The following THSD4 variants were observed in gnomAD, a reference collection of about 807,000 sequenced individuals.
THSD4 encodes thrombospondin type 1 domain containing 4, also known as thrombospondin type-1 domain-containing protein 4.
A neutral mutation model predicts 119.0 loss-of-function variants in THSD4; 69 were observed. The observed-to-expected ratio is 0.58, with a 90% confidence interval of 0.48 to 0.71. THSD4 has a LOEUF of 0.71. Ranked by LOEUF, THSD4 falls within the 30% of genes least tolerant of loss-of-function variation. The probability of loss-of-function intolerance (pLI) is 0.00; values close to 1 mark genes in which losing one functional copy is unlikely to be tolerated. For missense variants in THSD4, 1,393 were observed against 1,391.1 expected (o/e 1.00, Z -0.02); for synonymous variants, 524 against 540.4 (o/e 0.97, Z 0.42).
chr15:71,493,206 A>G (rs2047950062), intron 7 of THSD4, among the ~76,000 whole-genome samples: 1 of 152,240 alleles, frequency 6.6e-6, no homozygotes, highest in African/African-American at 2.4e-5. Context: ...GCTCTGGGGT[A>G]ATGTGAGAAT....
chr15:71,105,180 A>T (rs1175487630), intron 1 of THSD4, among the ~76,000 whole-genome samples: 1 of 152,164 alleles, frequency 6.6e-6, no homozygotes, highest in Non-Finnish European at 1.5e-5. Flanking sequence ...TCTACTTCAG[A>T]TGTCAATCAC....
intron 7 of THSD4, among the ~76,000 whole-genome samples, chr15:71,447,436 C>T (rs1019963391): frequency 6.6e-6 from 1 of 152,092 alleles, no homozygotes; most frequent in Non-Finnish European, 1.5e-5. Context: ...CAGCCCTTTC[C>T]TCCTCTTTGC....
At chr15:71,188,384 A>G (rs1009790353) in intron 3 of THSD4, among the ~76,000 whole-genome samples, 1 of 152,090 alleles carries the variant, frequency 6.6e-6, no homozygotes, top group African/African-American at 2.4e-5. Context: ...GGAAGAGGAG[A>G]GCAGGAGCTG....
intron 2 of THSD4, among the ~76,000 whole-genome samples, chr15:71,151,053 T>C (rs2040717844): frequency 6.6e-6 from 1 of 152,124 alleles, no homozygotes; most frequent in African/African-American, 2.4e-5. Flanking sequence ...CGGTAAATGC[T>C]ATGGAGAAAA....
At chr15:71,291,418 T>C (rs2044789988) in intron 6 of THSD4, among the ~76,000 whole-genome samples, 1 of 152,202 alleles carries the variant, frequency 6.6e-6, no homozygotes, top group African/African-American at 2.4e-5. Flanking sequence ...GGAGAGTCGA[T>C]GTTGTGTTCC....
At chr15:71,518,848 G>C (rs993170607) in intron 7 of THSD4, among the ~76,000 whole-genome samples, 1 of 152,146 alleles carries the variant, frequency 6.6e-6, no homozygotes, top group African/African-American at 2.4e-5. Context: ...TGGTTACTGT[G>C]GCCAGGCACT....
chr15:71,531,541 C>T (rs183864031), intron 7 of THSD4, among the ~76,000 whole-genome samples: 114 of 152,302 alleles, frequency 7.5e-4, no homozygotes, highest in African/African-American at 2.1e-3. Flanking sequence ...TGGAGACAGA[C>T]GCCCTGGGTT....
At chr15:71,378,064 T>G (rs1314136584) in intron 6 of THSD4, among the ~76,000 whole-genome samples, 1 of 152,216 alleles carries the variant, frequency 6.6e-6, no homozygotes, top group Non-Finnish European at 1.5e-5. Context: ...GTTGTTCAGG[T>G]TGTGCACTGC....
Position 71,702,748 on chromosome 15 carries a change from G to A in THSD4, c.1358-25801G>A, listed in dbSNP as rs368848971. On this transcript the variant is annotated intron_variant, in intron 8 of 17. Coordinates refer to ENST00000261862, the MANE Select transcript of THSD4 (RefSeq NM_024817.3). ...CAATGCACTTCCCTGCTCTTCACAA[G>A]GCTGGCTCTTTCCACACACTCAGGC... Among the ~76,000 whole-genome samples, 11 of 152,232 alleles carry A rather than the reference G, an allele frequency of 7.2e-5. 1 individual carries two copies. Among genetic ancestry groups the A allele is most frequent in the Admixed American group, 7.2e-4 (11 of 15,296 alleles).
chr15:71,107,900 C>T (rs1472416142), intron 1 of THSD4, among the ~76,000 whole-genome samples: 1 of 152,186 alleles, frequency 6.6e-6, no homozygotes, highest in Non-Finnish European at 1.5e-5. Context: ...TAAGCCACTG[C>T]TCAAGGTCAT....
intron 10 of THSD4, among the ~76,000 whole-genome samples, chr15:71,734,983 G>A (rs893234675): frequency 8.5e-5 from 13 of 152,138 alleles, no homozygotes; most frequent in African/African-American, 3.1e-4. Context: ...AAGGAATATT[G>A]CATATTATTA....
chr15:71,580,877 G>A lies in THSD4; in HGVS notation c.1153-79653G>A, dbSNP rs139242298. ...ATTATATACATATATATGTGTGTGT[G>A]TATATATCTACTTATATACACATAT... On this transcript the variant is annotated intron_variant, in intron 7 of 17. Transcript: ENST00000261862. Among the ~76,000 whole-genome samples, 956 of 151,806 alleles carry A rather than the reference G, an allele frequency of 6.3e-3. 8 individuals carry two copies. The highest frequency in any genetic ancestry group is 9.4e-3 in the Non-Finnish European group (637 of 67,920).
At chr15:71,114,591 G>A (rs371779412), upstream of THSD4, among the ~76,000 whole-genome samples, 28 of 152,286 alleles carry the variant, frequency 1.8e-4, no homozygotes, top group Middle Eastern at 6.8e-3. Context: ...CTCTGAATTA[G>A]GACTCAAGAA....
chr15:71,753,604 C>T (rs926898469), intron 14 of THSD4, among the ~76,000 whole-genome samples: 4 of 152,212 alleles, frequency 2.6e-5, no homozygotes, highest in Admixed American at 6.5e-5. Context: ...AGTTCAATTA[C>T]GAGTCATGTC....
In THSD4 at chr15:71,691,101, C is replaced by A. The variant is rs1461054838; in HGVS notation, c.1357+30367C>A. Among the ~76,000 whole-genome samples, 5 of 152,110 alleles carry A rather than the reference C, an allele frequency of 3.3e-5. No homozygotes were observed. In the East Asian group the frequency reaches 9.6e-4, roughly 29 times the overall value. ...CAGGAAGAGATTTGAAGAGGCTGAA[C>A]TGCGGGCTTTGCAGATGAAGGAAGG... On this transcript the variant is annotated intron_variant, in intron 8 of 17. Coordinates refer to ENST00000261862, the MANE Select transcript of THSD4 (RefSeq NM_024817.3).
intron 3 of THSD4, among the ~76,000 whole-genome samples, chr15:71,171,925 C>G (rs369308080): frequency 2.0e-5 from 3 of 152,042 alleles, no homozygotes; most frequent in African/African-American, 7.2e-5. Flanking sequence ...AATGGTATCA[C>G]GTTACTTGAA....
intron 7 of THSD4, among the ~76,000 whole-genome samples, chr15:71,412,605 G>A (rs2046704896): frequency 6.6e-6 from 1 of 152,122 alleles, no homozygotes; most frequent in South Asian, 2.1e-4. Flanking sequence ...TAGCTAGCTG[G>A]CAGACCGATT....
chr15:71,194,065 C>G (rs1485684965), intron 3 of THSD4, among the ~76,000 whole-genome samples: 1 of 152,202 alleles, frequency 6.6e-6, no homozygotes, highest in Admixed American at 6.5e-5. Context: ...CTCACTCTCT[C>G]TTGCCTGCTG....
chr15:71,780,012 C>G lies in THSD4; in HGVS notation c.*2638C>G, dbSNP rs2053974290. 1 of 152,144 alleles carries G rather than the reference C, an allele frequency of 6.6e-6. No homozygotes were observed. Among genetic ancestry groups the G allele is most frequent in the Non-Finnish European group, 1.5e-5 (1 of 68,036 alleles). The allele number at this position is 152,144 out of a possible 1,614,324, so 9.4% of individuals were successfully genotyped here. Reference sequence around the variant, plus strand: ...TTTATTTCAGCATCTGAATGTCTTTCTCCCTAGCACAGTGCATACAATCAG... The same window carrying G: ...TTTATTTCAGCATCTGAATGTCTTTGTCCCTAGCACAGTGCATACAATCAG... On this transcript the variant is annotated 3_prime_UTR_variant, in exon 18 of 18. Coordinates refer to ENST00000261862, the MANE Select transcript of THSD4 (RefSeq NM_024817.3).
Sources: allele counts gnomAD v4.1 joint callset (sites outside exome capture counted in the v4.1 genomes callset), GRCh38; gene constraint gnomAD v4.1.1; transcripts MANE v1.5; gene names NCBI Gene and HGNC (gene_info 2026-07-23, HGNC 2026-07-21).